The following GABPB1 variants were observed in gnomAD, a reference collection of about 807,000 sequenced individuals.
GABPB1 encodes the protein GA binding protein transcription factor subunit beta 1, also known as GA-binding protein subunit beta-1.
Under a neutral mutation model 45.9 loss-of-function variants are expected in GABPB1, and 15 were observed. The ratio of observed to expected loss-of-function variants is 0.33; its 90% CI spans 0.22 to 0.50. GABPB1 has a LOEUF of 0.50. Among genes scored for constraint, GABPB1 ranks in the 20% least tolerant of loss-of-function variants. GABPB1 has a pLI of 0.98. For missense variants in GABPB1, 252 were observed against 457.5 expected (o/e 0.55, Z 4.10); for synonymous variants, 143 against 154.4 (o/e 0.93, Z 0.55).
intron 1 of GABPB1, among the ~76,000 whole-genome samples, chr15:50,344,986 C>T (rs1030932088): frequency 6.6e-6 from 1 of 152,110 alleles, no homozygotes; most frequent in Non-Finnish European, 1.5e-5. Flanking sequence ...ATTCCTTGAG[C>T]GTTCCAACAG....
chr15:50,338,736 C>T (rs909429414), intron 1 of GABPB1, among the ~76,000 whole-genome samples: 1 of 152,106 alleles, frequency 6.6e-6, no homozygotes, highest in African/African-American at 2.4e-5. Flanking sequence ...TTGAAAAGTG[C>T]CAGGATTACA....
intron 1 of GABPB1, among the ~76,000 whole-genome samples, chr15:50,319,116 A>G (rs773954921): frequency 1.8e-4 from 28 of 152,198 alleles, no homozygotes; most frequent in Non-Finnish European, 3.2e-4. Context: ...AATAGCACAC[A>G]TTTGTTATTT....
chr15:50,296,937 G>A, intron 6 of GABPB1, among the ~76,000 whole-genome samples: 2 of 125,010 alleles, frequency 1.6e-5, no homozygotes, highest in South Asian at 5.1e-4. Flanking sequence ...TTGAGACAGA[G>A]TCTCCCTGTG....
chr15:50,348,953 T>G (rs1341871997), intron 1 of GABPB1: 1 of 152,188 alleles, frequency 6.6e-6, no homozygotes. Flanking sequence ...TTATTTCATT[T>G]TAATTGACTT....
At chr15:50,309,622 A>T in intron 2 of GABPB1, 69 bp downstream of exon 2, 1 of 905,498 alleles carries the variant, frequency 1.1e-6, no homozygotes, top group Non-Finnish European at 1.8e-6. Flanking sequence ...AATACTGACT[A>T]CATTTTTCTC....
chr15:50,338,714 T>C (rs1328864493), intron 1 of GABPB1, among the ~76,000 whole-genome samples: 1 of 150,968 alleles, frequency 6.6e-6, no homozygotes, highest in African/African-American at 2.4e-5. Context: ...ACTTAAGTGA[T>C]CCACCCGGGC....
intron 8 of GABPB1, 117 bp downstream of exon 8, chr15:50,285,948 ATAC>A: frequency 6.9e-7 from 1 of 1,449,286 alleles, no homozygotes; most frequent in Non-Finnish European, 9.1e-7. Flanking sequence ...CAAAATGAAA[ATAC>A]TACGCACTTT....
At chr15:50,313,623 GA>G (rs945995969) in intron 1 of GABPB1, among the ~76,000 whole-genome samples, 1 of 151,824 alleles carries the variant, frequency 6.6e-6, no homozygotes, top group African/African-American at 2.4e-5. Context: ...TTGAATTGTA[GA>G]ATCTAAAGGA....
At chr15:50,314,246 T>G (rs57485988) in intron 1 of GABPB1, among the ~76,000 whole-genome samples, 3,067 of 152,018 alleles carry the variant, frequency 0.02, 106 homozygotes, top group African/African-American at 0.071. Flanking sequence ...TGCAGTGGCG[T>G]GATCTCGGCT....
At chr15:50,333,625 C>T (rs1215174050) in intron 1 of GABPB1, among the ~76,000 whole-genome samples, 1 of 152,100 alleles carries the variant, frequency 6.6e-6, no homozygotes, top group African/African-American at 2.4e-5. Flanking sequence ...CCTTATTTTA[C>T]CATCATTCTT....
At chr15:50,326,827 C>G (rs576209122) in intron 1 of GABPB1, among the ~76,000 whole-genome samples, 2 of 150,258 alleles carry the variant, frequency 1.3e-5, no homozygotes, top group African/African-American at 5.0e-5. Flanking sequence ...GAGCAAGACC[C>G]CCGTCTTTAA....
intron 6 of GABPB1, among the ~76,000 whole-genome samples, chr15:50,297,213 T>C (rs1159005865): frequency 2.0e-5 from 2 of 101,310 alleles, no homozygotes; most frequent in African/African-American, 6.6e-5. Context: ...GCCCACCCAT[T>C]ACTTCTTTTT....
chr15:50,337,621 C>A (rs1438054387), intron 1 of GABPB1, among the ~76,000 whole-genome samples: 1 of 151,748 alleles, frequency 6.6e-6, no homozygotes, highest in Non-Finnish European at 1.5e-5. Context: ...AAAAAATTAG[C>A]CAGGTGTGGT....
chr15:50,353,770 A>G (rs2048956867), intron 1 of GABPB1: 1 of 152,384 alleles, frequency 6.6e-6, no homozygotes, highest in Admixed American at 6.5e-5. Context: ...TCTGCATAAT[A>G]AATGAGAGTG....
chr15:50,313,363 G>T (rs1408887394), intron 1 of GABPB1, among the ~76,000 whole-genome samples: 3 of 152,168 alleles, frequency 2.0e-5, no homozygotes, highest in Non-Finnish European at 4.4e-5. Context: ...CTGATGCTTT[G>T]ATATATTGAC....
chr15:50,294,918 AGG>A (rs746186219), intron 6 of GABPB1, among the ~76,000 whole-genome samples: 3 of 152,348 alleles, frequency 2.0e-5, no homozygotes, highest in South Asian at 2.1e-4. Flanking sequence ...ACAAAAAAGA[AGG>A]GTGGTCACTG....
At chr15:50,291,942 C>G (rs986835672) in intron 6 of GABPB1, among the ~76,000 whole-genome samples, 2 of 144,540 alleles carry the variant, frequency 1.4e-5, no homozygotes, top group Middle Eastern at 4.1e-3. Flanking sequence ...AAAATTCTAT[C>G]TATAATAATA....
At chr15:50,283,797 C>A (rs979137328) in intron 8 of GABPB1, among the ~76,000 whole-genome samples, 3 of 152,208 alleles carry the variant, frequency 2.0e-5, no homozygotes, top group African/African-American at 4.8e-5. Flanking sequence ...CAGGTGTAGG[C>A]CACCGCACCC....
intron 1 of GABPB1, 168 bp downstream of exon 1, chr15:50,354,817 C>G (rs928936030): frequency 4.4e-6 from 1 of 226,784 alleles, no homozygotes; most frequent in South Asian, 4.4e-5. Context: ...CGCCGACCCC[C>G]GCGGAATAAG....
Sources: gnomAD v4.1 joint callset for allele counts (sites outside exome capture counted in the v4.1 genomes callset) on GRCh38, gnomAD v4.1.1 for gene constraint, MANE v1.5 for transcripts, NCBI Gene and HGNC (gene_info 2026-07-23, HGNC 2026-07-21) for gene names.